The following LGR4 variants were observed in gnomAD, a reference collection of about 807,000 sequenced individuals.
LGR4 encodes the protein leucine-rich repeat-containing G protein-coupled receptor 4.
A neutral mutation model predicts 84.8 loss-of-function variants in LGR4; 44 were observed. That is an observed-to-expected ratio of 0.52 (90% CI 0.41 to 0.67). The LOEUF (loss-of-function observed/expected upper bound fraction) is 0.67, where lower values mean the gene tolerates loss of function less well. Among genes scored for constraint, LGR4 ranks in the 30% least tolerant of loss-of-function variants. The pLI is 0.00. For missense variants in LGR4, 1,032 were observed against 1,131.4 expected (o/e 0.91, Z 1.26); for synonymous variants, 429 against 434.3 (o/e 0.99, Z 0.15).
intron 6 of LGR4, among the ~76,000 whole-genome samples, chr11:27,384,109 T>C (rs1402787059): frequency 6.6e-6 from 1 of 152,226 alleles, no homozygotes; most frequent in Admixed American, 6.5e-5. Flanking sequence ...GTTTTGAATG[T>C]GTATTCTTTG....
At position 27,368,051 on chromosome 11, in the gene LGR4, C is replaced by A; in HGVS notation, c.2672G>T (p.Arg891Ile). ...CPALAVASCQ[R>I]PEGYWSDCGT... ...ACAGTCGGACCAGTAGCCCTCAGGT[C>A]TTTGGCAAGAAGCCACTGCCAATGC... The change falls in exon 18 of 18, where the codon AGA (arginine) becomes ATA (isoleucine). Residue 891 changes from arginine to isoleucine, a missense_variant. By Grantham distance (97) the Arg-to-Ile change is moderately conservative. Coordinates refer to ENST00000379214, the MANE Select transcript of LGR4 (RefSeq NM_018490.5). 8 of 1,608,968 alleles carry A rather than the reference C, an allele frequency of 5.0e-6. No individual in the cohort carries two copies. The highest frequency in any genetic ancestry group is 6.8e-6 in the Non-Finnish European group (8 of 1,177,148).
intron 2 of LGR4, among the ~76,000 whole-genome samples, chr11:27,394,167 C>CTACA (rs1863343405): frequency 6.6e-6 from 1 of 152,138 alleles, no homozygotes. Context: ...TACCTAAATT[C>CTACA]TACACTGCAT....
intron 2 of LGR4, among the ~76,000 whole-genome samples, chr11:27,411,068 A>G (rs975380219): frequency 6.6e-6 from 1 of 152,136 alleles, no homozygotes; most frequent in Non-Finnish European, 1.5e-5. Context: ...GATGGTGTGC[A>G]CACAGTGGCC....
In LGR4 at chr11:27,367,584, A is replaced by G. The variant is rs1344457478; in HGVS notation, c.*283T>C. 8.0e-6 allele frequency: 2 copies of G among 249,788 alleles called. No individual in the cohort carries two copies. Among genetic ancestry groups the G allele is most frequent in the Non-Finnish European group, 1.5e-5 (2 of 131,478 alleles). 15.5% of individuals were successfully genotyped at this position (249,788 alleles called of 1,614,324 possible). A position where few individuals can be genotyped will look rare whatever the true frequency, so the allele number is the denominator to read the frequency against. On this transcript the variant is annotated 3_prime_UTR_variant, in exon 18 of 18. Coordinates refer to ENST00000379214, the MANE Select transcript of LGR4 (RefSeq NM_018490.5). Reference sequence around the variant, plus strand: ...ATTTGCTTCTTATGGATCAGAAAAAACTAACATTATATTGCTCTACTACAC... The same window carrying G: ...ATTTGCTTCTTATGGATCAGAAAAAGCTAACATTATATTGCTCTACTACAC...
At chr11:27,416,897 T>G (rs1003279658) in intron 1 of LGR4, among the ~76,000 whole-genome samples, 1 of 152,158 alleles carries the variant, frequency 6.6e-6, no homozygotes, top group Non-Finnish European at 1.5e-5. Flanking sequence ...TGCTAAAGTA[T>G]CTACAGAGTA....
chr11:27,459,155 A>C (rs1372780259), intron 1 of LGR4, among the ~76,000 whole-genome samples: 2 of 152,220 alleles, frequency 1.3e-5, no homozygotes, highest in Admixed American at 6.5e-5. Flanking sequence ...AAGAACCATC[A>C]GAAATAACTT....
At chr11:27,388,193 A>G (rs1274189050) in intron 4 of LGR4, among the ~76,000 whole-genome samples, 1 of 152,156 alleles carries the variant, frequency 6.6e-6, no homozygotes, top group African/African-American at 2.4e-5. Context: ...ATTTGTGATG[A>G]CTCAAATGGT....
rs1862759615 is a variant in LGR4 at position 27,366,115 on chromosome 11, C to A, written c.*1752G>T. Reference sequence around the variant, plus strand: ...CAATAACCTGAATTTTGGAAAAAACCTTTTAATTAGGAGTTTCTTACCAAG... The same window carrying A: ...CAATAACCTGAATTTTGGAAAAAACATTTTAATTAGGAGTTTCTTACCAAG... On this transcript the variant is annotated 3_prime_UTR_variant, in exon 18 of 18. Transcript: ENST00000379214. The A allele has an allele frequency of 6.6e-6, 1 of 152,410 alleles. No individual in the cohort carries two copies. The highest frequency in any genetic ancestry group is 1.9e-4 in the East Asian group (1 of 5,172). The allele number at this position is 152,410 out of a possible 1,614,324, so 9.4% of individuals were successfully genotyped here.
chr11:27,371,757 A>G (rs1862887985), intron 16 of LGR4, 59 bp from the exon 17 acceptor site: 1 of 1,263,388 alleles, frequency 7.9e-7, no homozygotes, highest in Non-Finnish European at 1.1e-6. Flanking sequence ...AAAGAACCAT[A>G]TTTTCCTGCA....
At chr11:27,439,861 T>C (rs1384612293) in intron 1 of LGR4, among the ~76,000 whole-genome samples, 2 of 151,860 alleles carry the variant, frequency 1.3e-5, no homozygotes, top group Non-Finnish European at 2.9e-5. Flanking sequence ...TTTTTAAATA[T>C]GAATTGTCAC....
At chr11:27,430,148 T>C (rs1202240699) in intron 1 of LGR4, among the ~76,000 whole-genome samples, 1 of 152,158 alleles carries the variant, frequency 6.6e-6, no homozygotes, top group African/African-American at 2.4e-5. Context: ...TTTTCCCTAG[T>C]GTGTTTTCCC....
Position 27,380,725 on chromosome 11 carries a change from CA to C in LGR4, c.831-15del. The stretch of plus-strand genomic sequence containing the variant: ...TCATACAAATGTCTGTGAAAATATC[CA>C]AAAAAAGTAAAATTTTCATATGTTC... On this transcript the variant is annotated splice_polypyrimidine_tract_variant and intron_variant, in intron 8 of 17. Coordinates refer to ENST00000379214, the MANE Select transcript of LGR4 (RefSeq NM_018490.5). 14 of 1,565,808 alleles carry C rather than the reference CA, an allele frequency of 8.9e-6. No homozygotes were observed. Among genetic ancestry groups the C allele is most frequent in the African/African-American group, 1.4e-5 (1 of 73,798 alleles).
Position 27,391,122 on chromosome 11 carries a change from T to A in LGR4, c.373A>T (p.Ile125Phe). The A allele has an allele frequency of 6.2e-7, 1 of 1,610,290 alleles. No homozygotes were observed. The highest frequency in any genetic ancestry group is 1.1e-5 in the South Asian group (1 of 90,298). Residue 125 changes from isoleucine (I) to phenylalanine (F), a missense_variant, in exon 4 of 18, where the codon ATT becomes TTT. Physicochemically the swap from Ile to Phe is conservative, Grantham distance 21. Coordinates refer to ENST00000379214, the MANE Select transcript of LGR4 (RefSeq NM_018490.5). ...NQLKTVPSEA[I>F]RGLSALQSLR... ...GACTGCAAAGCACTCAGCCCTCGAA[T>A]GGCTTCACTGGGTACTGTTTTCAAC...
chr11:27,412,115 G>C (rs777067006), intron 2 of LGR4, among the ~76,000 whole-genome samples: 1 of 151,838 alleles, frequency 6.6e-6, no homozygotes, highest in Non-Finnish European at 1.5e-5. Flanking sequence ...TTTAAAACCC[G>C]AAAGTGCCTA....
At chr11:27,449,940 T>C (rs866760850) in intron 1 of LGR4, among the ~76,000 whole-genome samples, 1 of 152,192 alleles carries the variant, frequency 6.6e-6, no homozygotes, top group Admixed American at 6.5e-5. Flanking sequence ...TAAAAGTTGG[T>C]TCCCCTAGAA....
intron 1 of LGR4, among the ~76,000 whole-genome samples, chr11:27,416,857 C>T (rs1863829339): frequency 6.6e-6 from 1 of 152,148 alleles, no homozygotes; most frequent in Admixed American, 6.6e-5. Flanking sequence ...GTTAAACTCT[C>T]ATCGTCTTTT....
intron 1 of LGR4, among the ~76,000 whole-genome samples, chr11:27,441,563 T>G (rs933975659): frequency 5.3e-5 from 8 of 152,022 alleles, no homozygotes; most frequent in Non-Finnish European, 1.0e-4. Context: ...AAATGAATGA[T>G]AGAGAGAAAG....
intron 1 of LGR4, among the ~76,000 whole-genome samples, chr11:27,443,975 G>A (rs1250469022): frequency 6.6e-6 from 1 of 152,054 alleles, no homozygotes; most frequent in East Asian, 1.9e-4. Flanking sequence ...CAATAACCCT[G>A]TAGCATTTTC....
chr11:27,381,963 A>G (rs780635746), intron 7 of LGR4, among the ~76,000 whole-genome samples: 69 of 152,228 alleles, frequency 4.5e-4, no homozygotes, highest in Admixed American at 5.9e-4. Flanking sequence ...CAGACGCTGT[A>G]TATCAGGCCT....
Sources: gnomAD v4.1 joint callset for allele counts (sites outside exome capture counted in the v4.1 genomes callset) on GRCh38, gnomAD v4.1.1 for gene constraint, MANE v1.5 for transcripts, NCBI Gene and HGNC (gene_info 2026-07-23, HGNC 2026-07-21) for gene names.